The following NTM variants were observed in gnomAD, a reference collection of about 807,000 sequenced individuals.
The protein encoded by NTM is IgLON family member 2.
NTM carries 13 observed loss-of-function variants against 42.1 expected under a neutral mutation model. The observed-to-expected ratio is 0.31, with a 90% confidence interval of 0.20 to 0.49. NTM has a LOEUF of 0.49. Among genes scored for constraint, NTM ranks in the 20% least tolerant of loss-of-function variants. NTM has a pLI of 0.99. For missense variants in NTM, 373 were observed against 452.8 expected (o/e 0.82, Z 1.60); for synonymous variants, 187 against 179.2 (o/e 1.04, Z -0.35).
chr11:132,005,006 C>T (rs768625387), intron 2 of NTM, among the ~76,000 whole-genome samples: 2 of 152,124 alleles, frequency 1.3e-5, no homozygotes, highest in Non-Finnish European at 2.9e-5. Context: ...AAGCCAACTT[C>T]AGTATTCTTC....
intron 1 of NTM, among the ~76,000 whole-genome samples, chr11:131,389,031 A>AAAGAAAAGAAAAGAC (rs1943684828): frequency 6.6e-6 from 1 of 150,612 alleles, no homozygotes; most frequent in Admixed American, 6.6e-5. Flanking sequence ...AAAAAAAAGA[A>AAAGAAAAGAAAAGAC]AAGAAAAGAA....
chr11:131,391,216 C>A (rs941824104), intron 1 of NTM, among the ~76,000 whole-genome samples: 8 of 152,102 alleles, frequency 5.3e-5, no homozygotes, highest in Non-Finnish European at 8.8e-5. Context: ...CCAACTTGCC[C>A]AGGTCTCTAT....
intron 1 of NTM, among the ~76,000 whole-genome samples, chr11:131,902,459 TA>T (rs1244528923): frequency 6.6e-6 from 1 of 152,238 alleles, no homozygotes; most frequent in East Asian, 1.9e-4. Context: ...CTTGGTGAAC[TA>T]AACATTTAGA....
intron 1 of NTM, among the ~76,000 whole-genome samples, chr11:131,789,596 A>AGAAGG (rs2090371963): frequency 3.1e-5 from 2 of 65,128 alleles, no homozygotes; most frequent in Non-Finnish European, 6.0e-5. Context: ...GAAGAAGAAG[A>AGAAGG]AGAAGAAGAA....
At chr11:131,703,453 CATAA>C (rs2076270188) in intron 1 of NTM, among the ~76,000 whole-genome samples, 1 of 152,158 alleles carries the variant, frequency 6.6e-6, no homozygotes, top group South Asian at 2.1e-4. Context: ...AAAGCAATGA[CATAA>C]ATAATGGATG....
chr11:131,425,212 C>A (rs1376275901), intron 1 of NTM, among the ~76,000 whole-genome samples: 2 of 152,050 alleles, frequency 1.3e-5, no homozygotes, highest in Admixed American at 6.6e-5. Context: ...ATATTTGATA[C>A]CTCTTGGAGT....
At chr11:131,792,043 G>A (rs946221951) in intron 1 of NTM, among the ~76,000 whole-genome samples, 1 of 152,070 alleles carries the variant, frequency 6.6e-6, no homozygotes, top group Non-Finnish European at 1.5e-5. Context: ...CCAGCTATCT[G>A]CATTTGGGGC....
At chr11:131,599,655 A>T (rs1281618199) in intron 1 of NTM, among the ~76,000 whole-genome samples, 1 of 152,226 alleles carries the variant, frequency 6.6e-6, no homozygotes, top group Non-Finnish European at 1.5e-5. Context: ...GCAGGAGAGA[A>T]CCTGCCCCTC....
chr11:131,935,394 T>C (rs2059099630), intron 2 of NTM, among the ~76,000 whole-genome samples: 1 of 152,204 alleles, frequency 6.6e-6, no homozygotes, highest in South Asian at 2.1e-4. Flanking sequence ...TTTACTTCCT[T>C]TTCCTACTTC....
chr11:132,070,169 G>A (rs2057315218), intron 2 of NTM, among the ~76,000 whole-genome samples: 2 of 143,350 alleles, frequency 1.4e-5, no homozygotes, highest in Admixed American at 7.0e-5. Flanking sequence ...GACCGTCACA[G>A]GTTAGTTAAC....
intron 1 of NTM, among the ~76,000 whole-genome samples, chr11:131,715,963 A>C (rs1424099119): frequency 6.6e-6 from 1 of 152,232 alleles, no homozygotes; most frequent in African/African-American, 2.4e-5. Context: ...GAGCATTCAT[A>C]AACCAGTCTT....
At chr11:131,796,248 G>T (rs1021333857) in intron 1 of NTM, 2 of 846,332 alleles carry the variant, frequency 2.4e-6, no homozygotes, top group East Asian at 2.4e-4. Context: ...ATGCACAGGT[G>T]CGGCCCAGCC....
intron 2 of NTM, among the ~76,000 whole-genome samples, chr11:131,916,856 C>T (rs965648391): frequency 1.3e-5 from 2 of 152,168 alleles, no homozygotes; most frequent in African/African-American, 2.4e-5. Flanking sequence ...CAGCTTATTC[C>T]AGCTGCAAAG....
At chr11:132,152,008 A>C (rs546579296) in intron 3 of NTM, among the ~76,000 whole-genome samples, 44 of 152,324 alleles carry the variant, frequency 2.9e-4, no homozygotes, top group Middle Eastern at 3.4e-3. Context: ...CTGAATAATT[A>C]GTTGACCTTG....
rs571801343 is a variant in NTM, at chr11:131,464,363, G to T, written c.82+93475G>T. ...CCGCAGCAACGCAGGGAAAGCTGGG[G>T]GGGGGGCAGCAACAAGGGAAAGGGG... On this transcript the variant is annotated intron_variant, in intron 1 of 8. Coordinates refer to ENST00000683400, the MANE Select transcript of NTM (RefSeq NM_001352005.2). Among the ~76,000 whole-genome samples, 950 of 152,134 alleles carry T rather than the reference G, an allele frequency of 6.2e-3. 8 individuals are homozygous for T. The highest frequency in any genetic ancestry group is 8.9e-3 in the Non-Finnish European group (603 of 67,990).
At chr11:131,594,441 G>A (rs1156413680) in intron 1 of NTM, among the ~76,000 whole-genome samples, 1 of 151,868 alleles carries the variant, frequency 6.6e-6, no homozygotes, top group East Asian at 1.9e-4. Flanking sequence ...TGTCACCCAG[G>A]CTGGAATGCA....
At chr11:131,866,161 A>G (rs139239143) in intron 1 of NTM, among the ~76,000 whole-genome samples, 1 of 129,284 alleles carries the variant, frequency 7.7e-6, no homozygotes, top group East Asian at 4.8e-4. Context: ...CACGGTGCAC[A>G]CACACAGCAC....
chr11:131,562,972 G>A (rs2056426353), intron 1 of NTM, among the ~76,000 whole-genome samples: 1 of 152,166 alleles, frequency 6.6e-6, no homozygotes, highest in Non-Finnish European at 1.5e-5. Flanking sequence ...CCCAGGGGGA[G>A]AAGATGCAGA....
At chr11:131,390,052 A>T (rs1340663407) in intron 1 of NTM, among the ~76,000 whole-genome samples, 1 of 152,182 alleles carries the variant, frequency 6.6e-6, no homozygotes, top group Non-Finnish European at 1.5e-5. Context: ...GAGACTGGGC[A>T]ATGTACAAAG....
Sources: gnomAD v4.1 joint callset for allele counts (sites outside exome capture counted in the v4.1 genomes callset) on GRCh38, gnomAD v4.1.1 for gene constraint, MANE v1.5 for transcripts, NCBI Gene and HGNC (gene_info 2026-07-23, HGNC 2026-07-21) for gene names.